The following PTPRN2 variants were observed in gnomAD, a reference collection of about 807,000 sequenced individuals.
The protein encoded by PTPRN2 is protein tyrosine phosphatase receptor type N2.
A neutral mutation model predicts 118.8 loss-of-function variants in PTPRN2; 74 were observed. The ratio of observed to expected loss-of-function variants is 0.62; its 90% CI spans 0.52 to 0.76. The LOEUF is 0.76. PTPRN2 is among the 30% of genes least tolerant of loss of function. The probability of loss-of-function intolerance (pLI) is 0.00; values close to 1 mark genes in which losing one functional copy is unlikely to be tolerated. For synonymous variants in PTPRN2, 641 were observed against 608.0 expected (o/e 1.05, Z -0.80); for missense variants, 1,481 against 1,394.4 (o/e 1.06, Z -0.99).
chr7:158,365,425 C>T (rs1809358177), intron 2 of PTPRN2, among the ~76,000 whole-genome samples: 5 of 152,198 alleles, frequency 3.3e-5, no homozygotes, highest in Admixed American at 3.3e-4. Flanking sequence ...GTCTCTCCTC[C>T]CTCTCTTCCT....
chr7:157,776,811 A>T (rs1424219479), intron 12 of PTPRN2, among the ~76,000 whole-genome samples: 82 of 22,026 alleles, frequency 3.7e-3, no homozygotes, highest in Middle Eastern at 0.045. Context: ...TTCCTCCTCC[A>T]CTTCCTCCTC....
chr7:157,668,511 G>C (rs769253588), intron 13 of PTPRN2, among the ~76,000 whole-genome samples: 2 of 152,192 alleles, frequency 1.3e-5, no homozygotes, highest in African/African-American at 4.8e-5. Flanking sequence ...GGAATTAAAC[G>C]TACAAAGCTG....
intron 3 of PTPRN2, among the ~76,000 whole-genome samples, chr7:158,267,049 C>T (rs558419138): frequency 2.0e-5 from 3 of 152,346 alleles, no homozygotes; most frequent in Admixed American, 1.3e-4. Context: ...TCTGCAGCGT[C>T]GTCTCCAGTG....
chr7:157,853,458 C>T (rs571282065), intron 12 of PTPRN2, among the ~76,000 whole-genome samples: 1 of 152,132 alleles, frequency 6.6e-6, no homozygotes, highest in South Asian at 2.1e-4. Context: ...CCCCACCCCC[C>T]CACCTCCCTT....
chr7:157,865,385 T>TATTA (rs1810579709), intron 12 of PTPRN2: 1 of 152,190 alleles, frequency 6.6e-6, no homozygotes, highest in South Asian at 2.1e-4. Context: ...TCAGCGCTAT[T>TATTA]ATTAGTCAGG....
chr7:157,876,043 G>A (rs1584931080), intron 12 of PTPRN2, among the ~76,000 whole-genome samples: 1 of 152,212 alleles, frequency 6.6e-6, no homozygotes. Flanking sequence ...TGGCCTAGAG[G>A]TGTTCCTGGC....
chr7:158,374,701 A>G (rs965947139), intron 2 of PTPRN2, among the ~76,000 whole-genome samples: 2 of 152,198 alleles, frequency 1.3e-5, no homozygotes, highest in Non-Finnish European at 2.9e-5. Context: ...GGCAGAAATT[A>G]AAGAATGCCC....
At chr7:157,689,422 C>G (rs1233148523) in intron 12 of PTPRN2, among the ~76,000 whole-genome samples, 1 of 152,332 alleles carries the variant, frequency 6.6e-6, no homozygotes, top group Non-Finnish European at 1.5e-5. Context: ...TGACTTGAAC[C>G]GCGTCGTCCT....
intron 12 of PTPRN2, among the ~76,000 whole-genome samples, chr7:157,711,929 A>AC (rs1798646538): frequency 1.3e-5 from 1 of 78,202 alleles, no homozygotes; most frequent in Non-Finnish European, 3.0e-5. Context: ...CATGCAGGCC[A>AC]CATGAGTGGG....
At chr7:157,955,089 G>C (rs1400453894) in intron 11 of PTPRN2, among the ~76,000 whole-genome samples, 4 of 152,130 alleles carry the variant, frequency 2.6e-5, no homozygotes, top group Non-Finnish European at 5.9e-5. Context: ...CCCTGGAGAT[G>C]CAGTCCAGAA....
chr7:158,266,948 C>A (rs1032656725), intron 3 of PTPRN2, among the ~76,000 whole-genome samples: 5 of 152,132 alleles, frequency 3.3e-5, no homozygotes, highest in African/African-American at 1.2e-4. Flanking sequence ...GCTGCCTCCA[C>A]CCCAGCTCCC....
At chr7:157,683,453 A>G (rs1242364612) in intron 12 of PTPRN2, among the ~76,000 whole-genome samples, 2 of 152,126 alleles carry the variant, frequency 1.3e-5, no homozygotes, top group Non-Finnish European at 2.9e-5. Context: ...TTCACAGAAC[A>G]TTCTCCCTCC....
At chr7:158,097,429 C>T (rs1208624695) in intron 10 of PTPRN2, among the ~76,000 whole-genome samples, 2 of 152,206 alleles carry the variant, frequency 1.3e-5, no homozygotes, top group Admixed American at 6.5e-5. Context: ...AGAAAGTAAA[C>T]GCTTCTCCCA....
chr7:157,799,178 C>T (rs116291569), intron 12 of PTPRN2, among the ~76,000 whole-genome samples: 3,857 of 152,180 alleles, frequency 0.025, 154 homozygotes, highest in African/African-American at 0.085. Flanking sequence ...GCTGTGTGCT[C>T]GTGGGGAGGA....
At chr7:158,048,363 T>A (rs1809033111) in intron 11 of PTPRN2, among the ~76,000 whole-genome samples, 1 of 152,124 alleles carries the variant, frequency 6.6e-6, no homozygotes, top group African/African-American at 2.4e-5. Context: ...CTCCTCTTGG[T>A]CCTCATGTTA....
At chr7:157,885,109 C>G (rs1297916978) in intron 12 of PTPRN2, among the ~76,000 whole-genome samples, 1 of 152,154 alleles carries the variant, frequency 6.6e-6, no homozygotes, top group Non-Finnish European at 1.5e-5. Context: ...CTTCCCCACA[C>G]AGAGTAGTAG....
Position 157,974,440 on chromosome 7 carries a change from G to A in PTPRN2, c.1724-75703C>T, listed in dbSNP as rs537936591. Among the ~76,000 whole-genome samples, 306 of 152,332 alleles carry A rather than the reference G, an allele frequency of 2.0e-3. 3 individuals carry two copies. Among genetic ancestry groups the A allele is most frequent in the Non-Finnish European group, 3.9e-3 (262 of 68,032 alleles). Reference sequence around the variant, plus strand: ...ATGGGGCTGCCCTACTGTGGAGTTAGTGGGTCCACTTCGAGAAGACAGAGA... The same window carrying A: ...ATGGGGCTGCCCTACTGTGGAGTTAATGGGTCCACTTCGAGAAGACAGAGA... On this transcript the variant is annotated intron_variant, in intron 11 of 22. Transcript: ENST00000389418. The surrounding 1 kb of genome is among the most constrained non-coding windows in gnomAD (Gnocchi z 4.0).
At chr7:157,747,351 C>T (rs1178480499) in intron 12 of PTPRN2, among the ~76,000 whole-genome samples, 4 of 77,268 alleles carry the variant, frequency 5.2e-5, no homozygotes, top group East Asian at 4.4e-4. Flanking sequence ...TGTGGGGTGT[C>T]CGGGTGATTC....
At chr7:158,304,878 C>T (rs1801168651) in intron 3 of PTPRN2, among the ~76,000 whole-genome samples, 1 of 152,192 alleles carries the variant, frequency 6.6e-6, no homozygotes, top group Admixed American at 6.5e-5. Context: ...GGGAAAAGAC[C>T]TGGAAAGGAA....
Sources: allele counts gnomAD v4.1 joint callset (sites outside exome capture counted in the v4.1 genomes callset), GRCh38; gene constraint gnomAD v4.1.1; non-coding constraint Gnocchi (gnomAD v3.1); transcripts MANE v1.5; gene names NCBI Gene and HGNC (gene_info 2026-07-23, HGNC 2026-07-21).